PDE3B: variants seen among roughly 807,000 people sequenced by gnomAD.
PDE3B encodes cGMP-inhibited 3',5'-cyclic phosphodiesterase 3B.
PDE3B carries 66 observed loss-of-function variants against 116.8 expected under a neutral mutation model. The ratio of observed to expected loss-of-function variants is 0.56; its 90% CI spans 0.46 to 0.69. The LOEUF (loss-of-function observed/expected upper bound fraction) is 0.69, where lower values mean the gene tolerates loss of function less well. PDE3B is among the 30% of genes least tolerant of loss of function. The pLI is 0.00. For missense variants in PDE3B, 1,384 were observed against 1,368.1 expected (o/e 1.01, Z -0.18); for synonymous variants, 595 against 533.6 (o/e 1.12, Z -1.59).
At chr11:14,815,517 A>G (rs1859297178) in intron 5 of PDE3B, among the ~76,000 whole-genome samples, 1 of 152,132 alleles carries the variant, frequency 6.6e-6, no homozygotes. Context: ...CAGTTCGTAG[A>G]GGCTGCCCAT....
intron 1 of PDE3B, among the ~76,000 whole-genome samples, chr11:14,769,371 A>G (rs963266772): frequency 6.6e-6 from 1 of 151,284 alleles, no homozygotes; most frequent in African/African-American, 2.4e-5. Flanking sequence ...AGCATTGTAC[A>G]TAGTAAGATT....
chr11:14,816,858 C>T (rs1345119798), intron 5 of PDE3B, among the ~76,000 whole-genome samples: 3 of 152,162 alleles, frequency 2.0e-5, no homozygotes, highest in African/African-American at 4.8e-5. Flanking sequence ...ACTAGTTCAA[C>T]CATTGTGGAA....
chr11:14,758,728 T>C (rs1434133388), intron 1 of PDE3B, among the ~76,000 whole-genome samples: 1 of 151,526 alleles, frequency 6.6e-6, no homozygotes, highest in Non-Finnish European at 1.5e-5. Flanking sequence ...GTTTTCTAGA[T>C]ATACAATCAT....
At chr11:14,749,205 T>G (rs1856992798) in intron 1 of PDE3B, among the ~76,000 whole-genome samples, 1 of 152,132 alleles carries the variant, frequency 6.6e-6, no homozygotes, top group Non-Finnish European at 1.5e-5. Context: ...CTTTCTATTT[T>G]TGTATAAAAC....
At chr11:14,835,443 A>C (rs1305790167) in intron 11 of PDE3B, among the ~76,000 whole-genome samples, 2 of 148,172 alleles carry the variant, frequency 1.3e-5, no homozygotes, top group Non-Finnish European at 3.0e-5. Flanking sequence ...TTTTTAAAAA[A>C]AATTTTTTTT....
chr11:14,680,165 C>T (rs776121205), intron 1 of PDE3B, among the ~76,000 whole-genome samples: 32 of 152,294 alleles, frequency 2.1e-4, no homozygotes, highest in Middle Eastern at 6.8e-3. Flanking sequence ...ACCTCAACCT[C>T]TCTGAAGGGA....
chr11:14,819,010 G>T, intron 6 of PDE3B, 126 bp from the exon 7 acceptor site: 1 of 550,428 alleles, frequency 1.8e-6, no homozygotes, highest in Non-Finnish European at 3.3e-6. Context: ...TTTATGGAGA[G>T]ATTGGAATTT....
intron 2 of PDE3B, among the ~76,000 whole-genome samples, chr11:14,777,357 C>G (rs769142792): frequency 6.6e-6 from 1 of 152,072 alleles, no homozygotes; most frequent in Admixed American, 6.6e-5. Flanking sequence ...TGAAAACTTC[C>G]CAGATTTAGC....
intron 5 of PDE3B, among the ~76,000 whole-genome samples, chr11:14,811,278 C>A (rs1408648502): frequency 1.3e-5 from 2 of 152,062 alleles, no homozygotes; most frequent in Non-Finnish European, 2.9e-5. Context: ...CCTAGGTTTT[C>A]TTCTAGGGTT....
At chr11:14,758,063 C>A (rs1335980070) in intron 1 of PDE3B, among the ~76,000 whole-genome samples, 1 of 151,774 alleles carries the variant, frequency 6.6e-6, no homozygotes, top group Non-Finnish European at 1.5e-5. Flanking sequence ...AATAGGGAAT[C>A]CTTTCCCCAT....
intron 1 of PDE3B, among the ~76,000 whole-genome samples, chr11:14,712,466 G>GTT (rs58004646): frequency 0.035 from 2,642 of 76,276 alleles, 635 homozygotes; most frequent in African/African-American, 0.075. Context: ...GTACAAGCTT[G>GTT]TTTTTTTTTT....
At chr11:14,758,557 T>C (rs1857262553) in intron 1 of PDE3B, among the ~76,000 whole-genome samples, 2 of 148,592 alleles carry the variant, frequency 1.3e-5, no homozygotes, top group Admixed American at 6.7e-5. Context: ...TTTTATTGTC[T>C]TTGAAGCAAT....
intron 1 of PDE3B, among the ~76,000 whole-genome samples, chr11:14,742,610 A>G (rs956941042): frequency 1.2e-4 from 19 of 152,028 alleles, no homozygotes; most frequent in Non-Finnish European, 2.1e-4. Context: ...TCTCCGTCCA[A>G]TTTTGTTCCC....
chr11:14,847,269 A>G (rs1234803067), intron 12 of PDE3B, among the ~76,000 whole-genome samples: 1 of 151,814 alleles, frequency 6.6e-6, no homozygotes, highest in Non-Finnish European at 1.5e-5. Flanking sequence ...GAAGGCAGAA[A>G]TAAAGATGTT....
At chr11:14,843,416 T>TA in intron 11 of PDE3B, among the ~76,000 whole-genome samples, 1 of 152,346 alleles carries the variant, frequency 6.6e-6, no homozygotes, top group African/African-American at 2.4e-5. Flanking sequence ...GGTAAGATAT[T>TA]AAATTCCTAA....
chr11:14,848,489 G>A (rs1258836023), intron 12 of PDE3B, among the ~76,000 whole-genome samples: 1 of 151,864 alleles, frequency 6.6e-6, no homozygotes, highest in Non-Finnish European at 1.5e-5. Flanking sequence ...TTCGGGCCAG[G>A]GCAATTAGGC....
chr11:14,772,538 C>G (rs1184271248), intron 2 of PDE3B: 1 of 151,874 alleles, frequency 6.6e-6, no homozygotes, highest in African/African-American at 2.4e-5. Flanking sequence ...TTTCCAGTAT[C>G]TCAGAAGCCT....
At chr11:14,685,901 A>G (rs1264645531) in intron 1 of PDE3B, among the ~76,000 whole-genome samples, 3 of 152,186 alleles carry the variant, frequency 2.0e-5, no homozygotes. Flanking sequence ...TTGGCTGTGA[A>G]ACAGGACCTG....
intron 10 of PDE3B, among the ~76,000 whole-genome samples, chr11:14,834,742 A>G (rs1860000611): frequency 6.6e-6 from 1 of 152,230 alleles, no homozygotes; most frequent in African/African-American, 2.4e-5. Context: ...AATGCCTTTC[A>G]ATACTCCTTG....
Sources: gnomAD v4.1 joint callset for allele counts (sites outside exome capture counted in the v4.1 genomes callset) on GRCh38, gnomAD v4.1.1 for gene constraint, MANE v1.5 for transcripts, NCBI Gene and HGNC (gene_info 2026-07-23, HGNC 2026-07-21) for gene names.